Variants in KANSL1L observed in about 807,000 individuals in gnomAD.
The protein encoded by KANSL1L is KAT8 regulatory NSL complex subunit 1 like.
KANSL1L carries 25 observed loss-of-function variants against 108.6 expected under a neutral mutation model. The ratio of observed to expected loss-of-function variants is 0.23; its 90% CI spans 0.17 to 0.32. The LOEUF (loss-of-function observed/expected upper bound fraction) is 0.32, where lower values mean the gene tolerates loss of function less well. Ranked by LOEUF, KANSL1L falls within the 10% of genes least tolerant of loss-of-function variation. The pLI, the probability that KANSL1L is intolerant of heterozygous loss-of-function variation, is 1.00. For missense variants in KANSL1L, 1,137 were observed against 1,125.7 expected (o/e 1.01, Z -0.14); for synonymous variants, 405 against 395.1 (o/e 1.03, Z -0.30).
rs1393807898 is a variant in KANSL1L at position 210,061,765 on chromosome 2, C to A, written c.1755+13787G>T. Among the ~76,000 whole-genome samples, 5 of 152,230 alleles carry A rather than the reference C, an allele frequency of 3.3e-5. No homozygotes were observed. In the East Asian group the frequency reaches 9.6e-4, roughly 29 times the overall value. ...TCTTAGAATAAGAAAGCCAAACATT[C>A]TTAAACAGCCTTAGAAACTACGTGA... On this transcript the variant is annotated intron_variant, in intron 6 of 14. Coordinates refer to ENST00000281772, the MANE Select transcript of KANSL1L (RefSeq NM_152519.4).
At chr2:210,107,395 G>C (rs934638652) in intron 3 of KANSL1L, among the ~76,000 whole-genome samples, 2 of 151,530 alleles carry the variant, frequency 1.3e-5, no homozygotes, top group African/African-American at 4.8e-5. Context: ...AGAATCTGTT[G>C]TCTTATTAGA....
chr2:210,049,769 G>T (rs543844780), intron 6 of KANSL1L, among the ~76,000 whole-genome samples: 9 of 152,168 alleles, frequency 5.9e-5, no homozygotes, highest in Non-Finnish European at 1.3e-4. Flanking sequence ...TTAAGTAATA[G>T]CTACAATTGG....
At chr2:210,129,244 T>C in intron 2 of KANSL1L, 72 bp from the exon 3 acceptor site, 1 of 1,310,320 alleles carries the variant, frequency 7.6e-7, no homozygotes, top group Non-Finnish European at 1.0e-6. Context: ...CTTAATAACT[T>C]CCTTAACTCC....
intron 1 of KANSL1L, among the ~76,000 whole-genome samples, chr2:210,158,168 C>T (rs947641992): frequency 3.3e-5 from 5 of 152,148 alleles, no homozygotes; most frequent in African/African-American, 1.2e-4. Flanking sequence ...TAGTAACTCA[C>T]TTTTAATGAA....
chr2:210,030,560 A>G (rs2094003658), intron 9 of KANSL1L, among the ~76,000 whole-genome samples: 1 of 148,460 alleles, frequency 6.7e-6, no homozygotes, highest in South Asian at 2.1e-4. Flanking sequence ...TGTGTAGTAA[A>G]TATATATATG....
rs539570296 is a variant in KANSL1L at position 210,116,775 on chromosome 2, T to C, written c.1230+12256A>G. Among the ~76,000 whole-genome samples the C allele has an allele frequency of 2.6e-5, 4 of 152,258 alleles. No homozygotes were observed. The South Asian group carries it at 8.3e-4, about 32-fold the overall frequency. ...AGAAAGCATTCTCAAGAAGGACTGG[T>C]ACAAATTAGTGCAGATGCAAAGACT... On this transcript the variant is annotated intron_variant, in intron 3 of 14. Transcript: ENST00000281772.
At chr2:210,025,290 C>T in intron 12 of KANSL1L, 74 bp from the exon 13 acceptor site, 3 of 879,296 alleles carry the variant, frequency 3.4e-6, no homozygotes, top group Non-Finnish European at 3.7e-6. Context: ...GGCACGGTGG[C>T]TCACGCCTGT....
intron 6 of KANSL1L, among the ~76,000 whole-genome samples, chr2:210,068,155 C>T (rs1305667204): frequency 3.3e-5 from 5 of 152,264 alleles, no homozygotes; most frequent in East Asian, 1.9e-4. Flanking sequence ...GGATTACAGG[C>T]GTGAGCCACC....
chr2:210,075,378 C>A (rs1477613408), intron 6 of KANSL1L, among the ~76,000 whole-genome samples, 174 bp downstream of exon 6: 4 of 152,022 alleles, frequency 2.6e-5, no homozygotes, highest in Non-Finnish European at 2.9e-5. Context: ...ATTACTAAAG[C>A]CCACTTTAGT....
intron 2 of KANSL1L, among the ~76,000 whole-genome samples, chr2:210,139,905 C>A (rs766272676): frequency 3.9e-5 from 6 of 151,946 alleles, no homozygotes; most frequent in Non-Finnish European, 8.8e-5. Flanking sequence ...CCATGCCTGG[C>A]TAACTTTTGT....
intron 1 of KANSL1L, among the ~76,000 whole-genome samples, chr2:210,159,268 G>C (rs2095349426): frequency 6.6e-6 from 1 of 152,176 alleles, no homozygotes; most frequent in South Asian, 2.1e-4. Context: ...CAGTGACTTT[G>C]TGTTTGCTAT....
chr2:210,048,609 TAG>T (rs984913330), intron 6 of KANSL1L, among the ~76,000 whole-genome samples: 1 of 152,140 alleles, frequency 6.6e-6, no homozygotes, highest in Non-Finnish European at 1.5e-5. Context: ...ATACACATTT[TAG>T]AGAGATTTAT....
chr2:210,066,539 T>C (rs1403012290), intron 6 of KANSL1L, among the ~76,000 whole-genome samples: 1 of 152,080 alleles, frequency 6.6e-6, no homozygotes, highest in Non-Finnish European at 1.5e-5. Context: ...CCACCAAGGG[T>C]ATGACACATT....
At chr2:210,067,253 A>G (rs2094472948) in intron 6 of KANSL1L, among the ~76,000 whole-genome samples, 1 of 152,156 alleles carries the variant, frequency 6.6e-6, no homozygotes, top group Non-Finnish European at 1.5e-5. Flanking sequence ...TGGTCTCCAT[A>G]ATCAATCATG....
chr2:210,024,399 A>G (rs1198500703), intron 13 of KANSL1L, among the ~76,000 whole-genome samples, 198 bp from the exon 14 acceptor site: 1 of 152,144 alleles, frequency 6.6e-6, no homozygotes, highest in Non-Finnish European at 1.5e-5. Flanking sequence ...GAAATATTTT[A>G]CCGAATTATA....
At position 210,022,357 on chromosome 2, in the gene KANSL1L, A is replaced by T; in HGVS notation, c.*592T>A. 6.5e-6 allele frequency: 1 copy of T among 152,688 alleles called. No individual in the cohort carries two copies. The highest frequency in any genetic ancestry group is 2.1e-4 in the South Asian group (1 of 4,828). The allele number at this position is 152,688 out of a possible 1,614,324, so 9.5% of individuals were successfully genotyped here. On this transcript the variant is annotated 3_prime_UTR_variant, in exon 15 of 15. Coordinates refer to ENST00000281772, the MANE Select transcript of KANSL1L (RefSeq NM_152519.4). ...CTGTCTCTATATTCAGGACGTTCAGATGTCTTTTATTAGTGGAAACCTGTG... is the reference window on the plus strand; with the variant it reads ...CTGTCTCTATATTCAGGACGTTCAGTTGTCTTTTATTAGTGGAAACCTGTG...
intron 6 of KANSL1L, among the ~76,000 whole-genome samples, chr2:210,067,949 C>T (rs1256328847): frequency 1.3e-5 from 2 of 152,030 alleles, no homozygotes; most frequent in South Asian, 4.1e-4. Flanking sequence ...ACAATCTCAG[C>T]TCACTGCAAC....
chr2:210,024,122 C>G lies in KANSL1L; in HGVS notation c.2644G>C (p.Ala882Pro), dbSNP rs946333742. Residue 882 changes from alanine (A) to proline (P), a missense_variant, in exon 14 of 15, where the codon GCT becomes CCT. Ala to Pro is a conservative substitution (Grantham distance 27). Transcript: ENST00000281772. The stretch of plus-strand genomic sequence containing the variant: ...GGAAGCCCAGGAGGACTTGCAGCAG[C>G]ACATTGCTGACTGCTACTGAAGTTA... The part of the protein sequence containing the change: ...PNNFSSSQQC[A>P]AASPPGLPSE... 3 of 1,608,718 alleles carry G rather than the reference C, an allele frequency of 1.9e-6. No homozygotes were observed. The African/African-American group carries it at 4.0e-5, about 22-fold the overall frequency.
rs1256977346 is a variant in KANSL1L, at chr2:210,170,566, T to C, written c.-30+583A>G. ...TCCTCAGCACACCGGTGACACAAAC[T>C]TGGAAGCACCGTCCCTCAAAAATCC... On this transcript the variant is annotated intron_variant, in intron 1 of 14. Transcript: ENST00000281772. The C allele has an allele frequency of 3.2e-5, 5 of 157,860 alleles. No homozygotes were observed. The Admixed American group carries it at 3.3e-4, about 10-fold the overall frequency. 9.8% of individuals were successfully genotyped at this position (157,860 alleles called of 1,614,324 possible). A position where few individuals can be genotyped will look rare whatever the true frequency, so the allele number is the denominator to read the frequency against.
Sources: allele counts gnomAD v4.1 joint callset (sites outside exome capture counted in the v4.1 genomes callset), GRCh38; gene constraint gnomAD v4.1.1; transcripts MANE v1.5; gene names NCBI Gene and HGNC (gene_info 2026-07-23, HGNC 2026-07-21).